Variants in PRDM11 observed in about 807,000 individuals in gnomAD.
The protein encoded by PRDM11 is PR/SET domain 11.
PRDM11 carries 20 observed loss-of-function variants against 97.8 expected under a neutral mutation model. The observed-to-expected ratio is 0.20, with a 90% confidence interval of 0.14 to 0.30. The LOEUF is 0.30. PRDM11 is among the 10% of genes least tolerant of loss of function. PRDM11 has a pLI of 1.00. For missense variants in PRDM11, 1,139 were observed against 1,555.2 expected (o/e 0.73, Z 4.50); for synonymous variants, 599 against 637.7 (o/e 0.94, Z 0.91).
At chr11:45,127,391 C>T (rs542096721) in intron 1 of PRDM11, among the ~76,000 whole-genome samples, 12 of 152,322 alleles carry the variant, frequency 7.9e-5, no homozygotes, top group African/African-American at 2.9e-4. Flanking sequence ...AGCTGCGTTC[C>T]TTTGGAGGAG....
chr11:45,225,217 C>G (rs565861251), intron 7 of PRDM11: 2 of 981,054 alleles, frequency 2.0e-6, no homozygotes. Flanking sequence ...CTGGAGAGAT[C>G]TCTTGGCTTC....
intron 1 of PRDM11, among the ~76,000 whole-genome samples, chr11:45,165,206 C>T (rs1852032910): frequency 6.6e-6 from 1 of 152,200 alleles, no homozygotes; most frequent in Admixed American, 6.5e-5. Flanking sequence ...TGCAGGGCTG[C>T]CCTTGTTCCT....
chr11:45,135,950 A>G (rs1430756982), intron 1 of PRDM11, among the ~76,000 whole-genome samples: 1 of 152,346 alleles, frequency 6.6e-6, no homozygotes, highest in East Asian at 1.9e-4. Context: ...GGGGCCTAAG[A>G]AAACAGGATG....
chr11:45,134,801 C>T (rs1852804765), intron 1 of PRDM11, among the ~76,000 whole-genome samples: 1 of 148,622 alleles, frequency 6.7e-6, no homozygotes, highest in South Asian at 2.1e-4. Flanking sequence ...CAATTTGATG[C>T]AGCAGCATAT....
Position 45,224,395 on chromosome 11 carries a change from T to A in PRDM11, c.921T>A (p.Asp307Glu). Residue 307 changes from aspartate (D) to glutamate (E), a missense_variant, in exon 7 of 8, where the codon GAT (aspartate) becomes GAA (glutamate). Transcript: ENST00000683152. ...AGAAAATTGACCTGATTTTCAAGGATGTTCTGGAGGCCTCACTGGAATCTG... is the reference window on the plus strand; with the variant it reads ...AGAAAATTGACCTGATTTTCAAGGAAGTTCTGGAGGCCTCACTGGAATCTG... The part of the protein sequence containing the change: ...KKKKIDLIFK[D>E]VLEASLESAK... 1 of 1,614,182 alleles carries A rather than the reference T, an allele frequency of 6.2e-7. No individual in the cohort carries two copies. Among genetic ancestry groups the A allele is most frequent in the Non-Finnish European group, 8.5e-7 (1 of 1,180,038 alleles).
At chr11:45,167,165 T>G (rs1338640190) in intron 1 of PRDM11, among the ~76,000 whole-genome samples, 1 of 152,202 alleles carries the variant, frequency 6.6e-6, no homozygotes, top group Non-Finnish European at 1.5e-5. Flanking sequence ...ACAAAGTAGG[T>G]GCTCAAGAAA....
At chr11:45,180,619 C>T (rs1420271526) in intron 1 of PRDM11, among the ~76,000 whole-genome samples, 7 of 151,208 alleles carry the variant, frequency 4.6e-5, no homozygotes, top group Non-Finnish European at 8.9e-5. Context: ...CTGCGTGCCC[C>T]CAGGGCCGGC....
At chr11:45,210,477 C>T (rs75717119) in intron 5 of PRDM11, among the ~76,000 whole-genome samples, 1,631 of 152,350 alleles carry the variant, frequency 0.011, 22 homozygotes, top group African/African-American at 0.037. Context: ...CCCCGTGCCC[C>T]GCCAGCTGCA....
At chr11:45,125,816 G>T (rs1852556791) in intron 1 of PRDM11, among the ~76,000 whole-genome samples, 1 of 152,192 alleles carries the variant, frequency 6.6e-6, no homozygotes, top group African/African-American at 2.4e-5. Flanking sequence ...TGTATATTCT[G>T]TTGATTTGGG....
At chr11:45,165,796 C>T (rs1852049135) in intron 1 of PRDM11, among the ~76,000 whole-genome samples, 2 of 152,200 alleles carry the variant, frequency 1.3e-5, no homozygotes, top group Admixed American at 1.3e-4. Flanking sequence ...TCCTTTCTGC[C>T]GTTGCCTCTC....
rs762757128 is a variant in PRDM11 at position 45,224,432 on chromosome 11, G to A, written c.958G>A (p.Ala320Thr). The change falls in exon 7 of 8, where the codon GCC (alanine) becomes ACC (threonine). Residue 320 changes from alanine (A) to threonine (T), a missense_variant. Physicochemically the swap from Ala to Thr is moderately conservative, Grantham distance 58 (BLOSUM62 0). Around this residue, in one of 2 missense-constraint regions of PRDM11, gnomAD observed 429 missense variants for 510.3 expected, o/e 0.84. Coordinates refer to ENST00000683152, the MANE Select transcript of PRDM11 (RefSeq NM_001384648.1). ...CTCACTGGAATCTGCGAAGGTGGAA[G>A]CCCACCAGTTGGCCCTGAGCACCTC... ...EASLESAKVEAHQLALSTSLV... is the reference protein window; with the variant it reads ...EASLESAKVETHQLALSTSLV... The A allele has an allele frequency of 6.2e-7, 1 of 1,614,224 alleles. No homozygotes were observed. The highest frequency in any genetic ancestry group is 8.5e-7 in the Non-Finnish European group (1 of 1,180,040).
upstream of PRDM11, among the ~76,000 whole-genome samples, chr11:45,094,673 G>A (rs578135202): frequency 3.6e-5 from 5 of 140,160 alleles, no homozygotes; most frequent in African/African-American, 1.3e-4. Context: ...GAAGGAAGGA[G>A]GGATGGAAGG....
chr11:45,102,707 G>T (rs1667685864), intron 1 of PRDM11, among the ~76,000 whole-genome samples: 1 of 152,056 alleles, frequency 6.6e-6, no homozygotes, highest in South Asian at 2.1e-4. Context: ...CACACCCTGG[G>T]CCCCCAGCCC....
At position 45,232,278 on chromosome 11, in the gene PRDM11, C is replaced by T. The variant is rs1854412774; in HGVS notation, c.*4119C>T. 6.6e-6 allele frequency: 1 copy of T among 152,252 alleles called. No homozygotes were observed. The highest frequency in any genetic ancestry group is 2.4e-5 in the African/African-American group (1 of 41,458). The allele number at this position is 152,252 out of a possible 1,614,324, so 9.4% of individuals were successfully genotyped here. On this transcript the variant is annotated 3_prime_UTR_variant, in exon 8 of 8. Transcript: ENST00000683152. Reference sequence around the variant, plus strand: ...GGCTGGTGCCATGTTACTTGATCACCTGGAGCCTGATGGGACCCAGGAGGT... The same window carrying T: ...GGCTGGTGCCATGTTACTTGATCACTTGGAGCCTGATGGGACCCAGGAGGT...
At chr11:45,195,378 A>G (rs756523894) in intron 4 of PRDM11, among the ~76,000 whole-genome samples, 1 of 151,270 alleles carries the variant, frequency 6.6e-6, no homozygotes, top group South Asian at 2.1e-4. Context: ...CACATCTTCA[A>G]CCCCTCACCC....
chr11:45,143,601 C>G (rs1851449237), upstream of PRDM11, among the ~76,000 whole-genome samples: 1 of 152,142 alleles, frequency 6.6e-6, no homozygotes, highest in African/African-American at 2.4e-5. Context: ...GACAATGAAC[C>G]AGAAATGACT....
rs148716366 is a variant in PRDM11 at position 45,194,030 on chromosome 11, A to G, written c.487-10681A>G. On this transcript the variant is annotated intron_variant, in intron 4 of 7. Transcript: ENST00000683152. ...TGTTTGCTAATATCTCATTGGCTAC[A>G]TCAATTTCACAGTTGAACGTAAGGT... Among the ~76,000 whole-genome samples the G allele has an allele frequency of 2.7e-3, 416 of 152,350 alleles. 1 individual carries two copies. Among genetic ancestry groups the G allele is most frequent in the African/African-American group, 8.8e-3 (366 of 41,580 alleles).
chr11:45,150,092 C>T (rs540014198), intron 1 of PRDM11, among the ~76,000 whole-genome samples: 3 of 152,170 alleles, frequency 2.0e-5, no homozygotes, highest in Admixed American at 6.5e-5. Flanking sequence ...TCTGCAGGGA[C>T]ACCATCTTTT....
intron 1 of PRDM11, among the ~76,000 whole-genome samples, chr11:45,115,347 T>G (rs534590886): frequency 1.6e-4 from 25 of 152,128 alleles, no homozygotes; most frequent in African/African-American, 6.0e-4. Context: ...AAAGGTTCTT[T>G]AAAAAATGTT....
Sources: allele counts gnomAD v4.1 joint callset (sites outside exome capture counted in the v4.1 genomes callset), GRCh38; gene constraint gnomAD v4.1.1; regional missense constraint gnomAD v4.1.1; transcripts MANE v1.5; gene names NCBI Gene and HGNC (gene_info 2026-07-23, HGNC 2026-07-21).